The following XIRP2 variants were observed in gnomAD, a reference collection of about 807,000 sequenced individuals.
XIRP2 encodes the protein xin actin-binding repeat-containing protein 2.
Under a neutral mutation model 277.0 loss-of-function variants are expected in XIRP2, and 236 were observed. The observed-to-expected ratio is 0.85, with a 90% CI of 0.77 to 0.95. The LOEUF (loss-of-function observed/expected upper bound fraction) is 0.95. Ranked by LOEUF, XIRP2 falls within the 40% of genes least tolerant of loss-of-function variation. The pLI is 0.00. For synonymous variants in XIRP2, 1,490 were observed against 1,416.5 expected, an observed-to-expected ratio of 1.05 and a Z score of -1.17; for missense variants, 4,640 against 4,157.5, an observed-to-expected ratio of 1.12 and a Z score of -3.19.
chr2:167,027,920 T>C (rs941862949), intron 2 of XIRP2, among the ~76,000 whole-genome samples: 2 of 152,048 alleles, frequency 1.3e-5, no homozygotes, highest in Non-Finnish European at 2.9e-5. Flanking sequence ...GCCTAGCAAA[T>C]ATTTTAAAGA....
At chr2:167,241,708 C>A in intron 7 of XIRP2, 69 bp from the exon 8 acceptor site, 1 of 1,508,746 alleles carries the variant, frequency 6.6e-7, no homozygotes, top group Non-Finnish European at 8.9e-7. Flanking sequence ...CCATGCCCAG[C>A]CATAATTTCT....
At chr2:166,971,075 G>A (rs957483459) in intron 2 of XIRP2, among the ~76,000 whole-genome samples, 3 of 151,918 alleles carry the variant, frequency 2.0e-5, no homozygotes, top group Admixed American at 2.0e-4. Context: ...ATTAAGAGGA[G>A]TAAGTCTATT....
chr2:166,913,070 CAGTCTAT>C (rs1268730226), intron 2 of XIRP2, among the ~76,000 whole-genome samples: 184 of 152,304 alleles, frequency 1.2e-3, no homozygotes, highest in African/African-American at 4.3e-3. Context: ...CTTGAGGAGG[CAGTCTAT>C]CCATTCTCAG....
At chr2:167,223,622 G>A (rs1694498117) in intron 5 of XIRP2, among the ~76,000 whole-genome samples, 1 of 152,076 alleles carries the variant, frequency 6.6e-6, no homozygotes, top group Non-Finnish European at 1.5e-5. Context: ...TCAGCTAAAT[G>A]TCCACATTGC....
chr2:167,094,270 C>T lies in XIRP2; in HGVS notation c.409-41639C>T, dbSNP rs140778915. Among the ~76,000 whole-genome samples, 15 of 152,198 alleles carry T rather than the reference C, an allele frequency of 9.9e-5. No homozygotes were observed. In the East Asian group the frequency reaches 2.9e-3, roughly 29 times the overall value. ...AATTTTCTCCCATTCTGTAGGTTGT[C>T]TGTTCACTGATGATAGTTTCTTTTG... On this transcript the variant is annotated intron_variant, in intron 2 of 10. Transcript: ENST00000409195.
chr2:167,083,925 C>G lies in XIRP2; in HGVS notation c.409-51984C>G, dbSNP rs1574237289. Reference sequence around the variant, plus strand: ...ACTTCCTCTTTTCCTAATTGAATACCCTTTATTTCCTTCTCCTGCCTAATT... The same window carrying G: ...ACTTCCTCTTTTCCTAATTGAATACGCTTTATTTCCTTCTCCTGCCTAATT... On this transcript the variant is annotated intron_variant, in intron 2 of 10. Transcript: ENST00000409195. 1.3e-5 allele frequency among the ~76,000 whole-genome samples: 2 copies of G among 151,282 alleles called. 1 individual carries two copies. Among genetic ancestry groups the G allele is most frequent in the African/African-American group, 4.8e-5 (2 of 41,258 alleles).
intron 2 of XIRP2, among the ~76,000 whole-genome samples, chr2:166,969,701 C>T (rs1329847240): frequency 2.0e-5 from 3 of 151,560 alleles, no homozygotes; most frequent in Non-Finnish European, 4.4e-5. Flanking sequence ...CTCATTAAAA[C>T]CATTCATTTA....
intron 1 of XIRP2, among the ~76,000 whole-genome samples, chr2:166,897,930 G>T (rs1462902118): frequency 1.3e-5 from 2 of 152,036 alleles, no homozygotes; most frequent in Non-Finnish European, 2.9e-5. Flanking sequence ...TATCTCTTAG[G>T]ACACATGCAG....
chr2:167,001,186 A>C (rs1687358481), intron 2 of XIRP2, among the ~76,000 whole-genome samples: 1 of 152,136 alleles, frequency 6.6e-6, no homozygotes, highest in Non-Finnish European at 1.5e-5. Context: ...GGTGCTTCCT[A>C]TGCCTATTGG....
chr2:167,133,752 C>T (rs1050022346), intron 2 of XIRP2, among the ~76,000 whole-genome samples: 1 of 152,110 alleles, frequency 6.6e-6, no homozygotes, highest in Admixed American at 6.6e-5. Flanking sequence ...TGAAACAAAA[C>T]AAGCAAACAT....
At chr2:167,029,675 G>A (rs930026023) in intron 2 of XIRP2, among the ~76,000 whole-genome samples, 2 of 152,028 alleles carry the variant, frequency 1.3e-5, no homozygotes, top group East Asian at 3.9e-4. Context: ...TTCTTTTGTT[G>A]TTGTGTCTCT....
At chr2:166,891,011 C>A (rs184046242) in intron 1 of XIRP2, among the ~76,000 whole-genome samples, 4 of 152,280 alleles carry the variant, frequency 2.6e-5, no homozygotes, top group Non-Finnish European at 4.4e-5. Flanking sequence ...GCTCCCAGAG[C>A]TGGCTATGAG....
intron 3 of XIRP2, among the ~76,000 whole-genome samples, chr2:167,205,948 G>C (rs1693841614): frequency 6.6e-6 from 1 of 151,892 alleles, no homozygotes; most frequent in African/African-American, 2.4e-5. Context: ...TTGACTTTTT[G>C]TTGCCCTCTC....
chr2:167,228,337 A>G (rs1694665636), intron 5 of XIRP2, among the ~76,000 whole-genome samples: 1 of 152,200 alleles, frequency 6.6e-6, no homozygotes, highest in African/African-American at 2.4e-5. Flanking sequence ...ACCTATTGGT[A>G]TATGAGTTAC....
intron 2 of XIRP2, among the ~76,000 whole-genome samples, chr2:167,015,873 C>G (rs1431300305): frequency 6.6e-6 from 1 of 151,600 alleles, no homozygotes; most frequent in East Asian, 1.9e-4. Flanking sequence ...ACTCCTAGAT[C>G]ACTTATAATA....
chr2:166,983,389 A>G (rs1305290213), intron 2 of XIRP2, among the ~76,000 whole-genome samples: 1 of 152,154 alleles, frequency 6.6e-6, no homozygotes, highest in Admixed American at 6.5e-5. Flanking sequence ...AATTTTAATT[A>G]TAGTTTTAAT....
rs147055259 is a variant in XIRP2 at position 166,900,959 on chromosome 2, A to G, written c.-18-2506A>G. Among the ~76,000 whole-genome samples the G allele has an allele frequency of 2.0e-5, 3 of 152,276 alleles. No individual in the cohort carries two copies. The East Asian group carries it at 5.8e-4, about 30-fold the overall frequency. On this transcript the variant is annotated intron_variant, in intron 1 of 10. Transcript: ENST00000409195. Reference sequence around the variant, plus strand: ...GTGGGAACAAAAATCCTGGCCCCACACTTGGTCTTCTCTAATATGAAAGTA... The same window carrying G: ...GTGGGAACAAAAATCCTGGCCCCACGCTTGGTCTTCTCTAATATGAAAGTA...
At chr2:166,938,747 T>A (rs1685597529) in intron 2 of XIRP2, among the ~76,000 whole-genome samples, 2 of 152,310 alleles carry the variant, frequency 1.3e-5, no homozygotes, top group South Asian at 4.1e-4. Context: ...TTTGTAGGTC[T>A]CTAAGGAATT....
At chr2:167,132,089 G>C (rs1359130711) in intron 2 of XIRP2, among the ~76,000 whole-genome samples, 7 of 151,888 alleles carry the variant, frequency 4.6e-5, no homozygotes, top group Non-Finnish European at 1.0e-4. Flanking sequence ...TCTCCTAAAT[G>C]GCTTTCAACT....
Sources: gnomAD v4.1 joint callset for allele counts (sites outside exome capture counted in the v4.1 genomes callset) on GRCh38, gnomAD v4.1.1 for gene constraint, MANE v1.5 for transcripts, NCBI Gene and HGNC (gene_info 2026-07-23, HGNC 2026-07-21) for gene names.